The following FGF18 variants were observed in gnomAD, a reference collection of about 807,000 sequenced individuals.
FGF18 encodes fibroblast growth factor 18.
Under a neutral mutation model 23.0 loss-of-function variants are expected in FGF18, and 5 were observed. That is an observed-to-expected ratio of 0.22 (90% CI 0.11 to 0.46). The LOEUF (loss-of-function observed/expected upper bound fraction) is 0.46, where lower values mean the gene tolerates loss of function less well. Ranked by LOEUF, FGF18 falls within the 20% of genes least tolerant of loss-of-function variation. The probability of loss-of-function intolerance (pLI) is 0.99; values close to 1 mark genes in which losing one functional copy is unlikely to be tolerated. For synonymous variants in FGF18, 117 were observed against 118.9 expected, an observed-to-expected ratio of 0.98 and a Z score of 0.10; for missense variants, 180 against 291.6, an observed-to-expected ratio of 0.62 and a Z score of 2.79.
At position 171,456,443 on chromosome 5, in the gene FGF18, A is replaced by G; in HGVS notation, c.358-96A>G. The G allele has an allele frequency of 7.9e-7, 1 of 1,258,836 alleles. No individual in the cohort carries two copies. The highest frequency in any genetic ancestry group is 1.1e-6 in the Non-Finnish European group (1 of 902,826). 78.0% of individuals were successfully genotyped at this position (1,258,836 alleles called of 1,614,324 possible). On this transcript the variant is annotated intron_variant, in intron 4 of 4. Coordinates refer to ENST00000274625, the MANE Select transcript of FGF18 (RefSeq NM_003862.3). The surrounding 1 kb of genome is among the most constrained non-coding windows in gnomAD (Gnocchi z 6.1). ...ACTTCATTACAGTTGTCCCTACAACAATCGCAATGGTCCTGAATAAAACCT... is the reference window on the plus strand; with the variant it reads ...ACTTCATTACAGTTGTCCCTACAACGATCGCAATGGTCCTGAATAAAACCT...
chr5:171,450,767 C>A (rs1020210543), intron 4 of FGF18, among the ~76,000 whole-genome samples: 1 of 152,048 alleles, frequency 6.6e-6, no homozygotes, highest in African/African-American at 2.4e-5. Context: ...CCGGGTCCCC[C>A]TAGCCTGGCC....
chr5:171,424,578 A>G (rs2113328276), intron 2 of FGF18, among the ~76,000 whole-genome samples: 1 of 152,346 alleles, frequency 6.6e-6, no homozygotes, highest in East Asian at 1.9e-4. Flanking sequence ...AAGAATCCTG[A>G]AATTATTCAG....
intron 3 of FGF18, among the ~76,000 whole-genome samples, chr5:171,442,211 C>G (rs1308964878): frequency 6.6e-6 from 1 of 152,164 alleles, no homozygotes; most frequent in Non-Finnish European, 1.5e-5. Flanking sequence ...TCTGGTGTGT[C>G]CATATGGAGA....
chr5:171,456,667 C>T lies in FGF18; in HGVS notation c.486C>T (p.Gly162=), dbSNP rs762163117. 5 of 1,613,870 alleles carry T rather than the reference C, an allele frequency of 3.1e-6. No homozygotes were observed. The highest frequency in any genetic ancestry group is 4.2e-6 in the Non-Finnish European group (5 of 1,180,002). The change falls in exon 5 of 5, where the codon GGC becomes GGT. Residue 162 remains glycine, a synonymous_variant. Transcript: ENST00000274625. The surrounding 1 kb of genome is among the most constrained non-coding windows in gnomAD (Gnocchi z 6.1). ...CCAAGAAGGGGCGGCCGCGGAAGGG[C>T]CCCAAGACCCGGGAGAACCAGCAGG... ...GFTKKGRPRK[G]PKTRENQQDV... is the part of the protein sequence containing the mutation.
rs569730446 is a variant in FGF18, at chr5:171,430,810, A to G, written c.70-5283A>G. On this transcript the variant is annotated intron_variant, in intron 2 of 4. Transcript: ENST00000274625. Reference sequence around the variant, plus strand: ...ACTCCGTCTCAAAAAAAAAAAAAAAAAAAAAAGAAAAAAGAGTAATGATTG... The same window carrying G: ...ACTCCGTCTCAAAAAAAAAAAAAAAGAAAAAAGAAAAAAGAGTAATGATTG... 6.4e-4 allele frequency among the ~76,000 whole-genome samples: 71 copies of G among 110,402 alleles called. No individual in the cohort carries two copies. The South Asian group carries it at 0.013, about 20-fold the overall frequency. 72.4% of individuals were successfully genotyped at this position (110,402 alleles called of 152,430 possible). A position where few individuals can be genotyped will look rare whatever the true frequency, so the allele number is the denominator to read the frequency against.
chr5:171,435,372 T>C (rs1772231374), intron 2 of FGF18, among the ~76,000 whole-genome samples: 1 of 152,062 alleles, frequency 6.6e-6, no homozygotes. Flanking sequence ...ATGAGCACGA[T>C]ATGTGTTGGT....
intron 2 of FGF18, among the ~76,000 whole-genome samples, chr5:171,425,834 A>G (rs962542520): frequency 6.6e-6 from 1 of 152,198 alleles, no homozygotes; most frequent in African/African-American, 2.4e-5. Context: ...CTGGCCAGCC[A>G]TGTGCTTTTG....
At position 171,436,321 on chromosome 5, in the gene FGF18, CT is replaced by C; in HGVS notation, c.250+50del. The C allele has an allele frequency of 7.3e-7, 1 of 1,370,542 alleles. No homozygotes were observed. Among genetic ancestry groups the C allele is most frequent in the Non-Finnish European group, 9.6e-7 (1 of 1,042,174 alleles). 84.9% of individuals were successfully genotyped at this position (1,370,542 alleles called of 1,614,324 possible). On this transcript the variant is annotated intron_variant, in intron 3 of 4. Transcript: ENST00000274625. The surrounding 1 kb of genome is among the most constrained non-coding windows in gnomAD (Gnocchi z 4.4). ...TACTCCGTGTACCCGTGTACATGTC[CT>C]TCCTGGCCTCAGAGACCTCAAGTTC... is the stretch of plus-strand genomic sequence containing the variant.
chr5:171,456,297 A>T lies in FGF18; in HGVS notation c.358-242A>T, dbSNP rs2113370285. Among the ~76,000 whole-genome samples, 1 of 152,288 alleles carries T rather than the reference A, an allele frequency of 6.6e-6. No homozygotes were observed. Among genetic ancestry groups the T allele is most frequent in the South Asian group, 2.1e-4 (1 of 4,820 alleles). ...AAGTCTCTGTTAGGTGGCTTTAGCC[A>T]GAATCCCCTACACCCTCGATGTTTC... On this transcript the variant is annotated intron_variant, in intron 4 of 4. Coordinates refer to ENST00000274625, the MANE Select transcript of FGF18 (RefSeq NM_003862.3). The surrounding 1 kb of genome is among the most constrained non-coding windows in gnomAD (Gnocchi z 6.1).
intron 3 of FGF18, among the ~76,000 whole-genome samples, chr5:171,448,417 CG>C (rs1772448648): frequency 6.6e-6 from 1 of 152,114 alleles, no homozygotes; most frequent in African/African-American, 2.4e-5. Flanking sequence ...TTAAAGGTGC[CG>C]GGGGCACTAG....
chr5:171,426,422 G>T (rs898250841), intron 2 of FGF18, among the ~76,000 whole-genome samples: 1 of 152,252 alleles, frequency 6.6e-6, no homozygotes, highest in African/African-American at 2.4e-5. Flanking sequence ...CCATGGCAGT[G>T]CATGGAGGGG....
chr5:171,420,384 G>T (rs749523048), intron 1 of FGF18, 23 bp from the exon 2 acceptor site: 20 of 1,613,140 alleles, frequency 1.2e-5, no homozygotes, highest in Non-Finnish European at 1.7e-5. Context: ...CCCACTGACC[G>T]CTTCTCCATC....
intron 3 of FGF18, among the ~76,000 whole-genome samples, chr5:171,437,044 C>T (rs1478632715): frequency 7.2e-5 from 11 of 152,314 alleles, no homozygotes; most frequent in Admixed American, 5.9e-4. Context: ...GAGACTGCTG[C>T]GAGGCCTCCT....
At position 171,456,657 on chromosome 5, in the gene FGF18, C is replaced by T; in HGVS notation, c.476C>T (p.Pro159Leu). 1.2e-6 allele frequency: 2 copies of T among 1,613,978 alleles called. No homozygotes were observed. Among genetic ancestry groups the T allele is most frequent in the Non-Finnish European group, 8.5e-7 (1 of 1,180,006 alleles). The change falls in exon 5 of 5, where the codon CCG becomes CTG. Residue 159 changes from proline (P) to leucine (L), a missense_variant. By Grantham distance (98) the Pro-to-Leu change is moderately conservative. Transcript: ENST00000274625. This position sits in a 1 kb window ranked among gnomAD's most constrained non-coding sequence, Gnocchi z 6.1. ...WYVGFTKKGR[P>L]RKGPKTRENQ... ...GTGGGCTTCACCAAGAAGGGGCGGCCGCGGAAGGGCCCCAAGACCCGGGAG... is the reference window on the plus strand; with the variant it reads ...GTGGGCTTCACCAAGAAGGGGCGGCTGCGGAAGGGCCCCAAGACCCGGGAG...
At chr5:171,426,318 T>C (rs1772088729) in intron 2 of FGF18, among the ~76,000 whole-genome samples, 1 of 152,084 alleles carries the variant, frequency 6.6e-6, no homozygotes, top group East Asian at 1.9e-4. Context: ...AGGGGAGGTG[T>C]TGATTTCTCC....
At chr5:171,424,557 C>T (rs1291648759) in intron 2 of FGF18, among the ~76,000 whole-genome samples, 1 of 152,230 alleles carries the variant, frequency 6.6e-6, no homozygotes, top group Non-Finnish European at 1.5e-5. Flanking sequence ...AGCAGATGGA[C>T]CTTCTTCTCA....
intron 2 of FGF18, among the ~76,000 whole-genome samples, chr5:171,431,764 G>A (rs1049546238): frequency 5.3e-5 from 8 of 152,114 alleles, no homozygotes; most frequent in African/African-American, 7.2e-5. Flanking sequence ...CTCTCCTTTC[G>A]AGAGTTGCAG....
intron 2 of FGF18, among the ~76,000 whole-genome samples, chr5:171,422,969 T>C (rs774004435): frequency 3.3e-5 from 5 of 152,178 alleles, no homozygotes; most frequent in Non-Finnish European, 5.9e-5. Context: ...CCAGTTCTCA[T>C]CCACCCAGGA....
intron 3 of FGF18, among the ~76,000 whole-genome samples, chr5:171,445,065 G>A (rs1317145535): frequency 6.6e-6 from 1 of 152,198 alleles, no homozygotes; most frequent in Admixed American, 6.5e-5. Context: ...CATGGTCTGG[G>A]AAGGCCTCTC....
Sources: allele counts gnomAD v4.1 joint callset (sites outside exome capture counted in the v4.1 genomes callset), GRCh38; gene constraint gnomAD v4.1.1; non-coding constraint Gnocchi (gnomAD v3.1); transcripts MANE v1.5; gene names NCBI Gene and HGNC (gene_info 2026-07-23, HGNC 2026-07-21).